The following LRRC7 variants were observed in gnomAD, a reference collection of about 807,000 sequenced individuals.
LRRC7 encodes leucine rich repeat containing 7, also known as leucine-rich repeat-containing protein 7.
LRRC7 carries 23 observed loss-of-function variants against 175.7 expected under a neutral mutation model. The ratio of observed to expected loss-of-function variants is 0.13; its 90% CI spans 0.09 to 0.19. LRRC7 has a LOEUF of 0.19. Ranked by LOEUF, LRRC7 falls within the 10% of genes least tolerant of loss-of-function variation. The pLI is 1.00. For missense variants in LRRC7, 1,354 were observed against 1,904.7 expected (o/e 0.71, Z 5.38); for synonymous variants, 685 against 680.9 (o/e 1.01, Z -0.09).
At chr1:69,832,839 T>C (rs1254038384) in intron 5 of LRRC7, among the ~76,000 whole-genome samples, 1 of 152,178 alleles carries the variant, frequency 6.6e-6, no homozygotes, top group Admixed American at 6.5e-5. Flanking sequence ...GCACGGTGGC[T>C]CATGCCTGTA....
At chr1:70,089,177 C>T (rs1431862829) in intron 24 of LRRC7, among the ~76,000 whole-genome samples, 2 of 152,044 alleles carry the variant, frequency 1.3e-5, no homozygotes, top group African/African-American at 2.4e-5. Context: ...CTTTTTTTTA[C>T]CCTCACACAA....
intron 8 of LRRC7, among the ~76,000 whole-genome samples, chr1:69,945,060 A>C (rs985499074): frequency 2.6e-5 from 4 of 151,962 alleles, no homozygotes; most frequent in African/African-American, 9.7e-5. Flanking sequence ...CTTTTGGGTT[A>C]TATCCAAAGA....
intron 7 of LRRC7, among the ~76,000 whole-genome samples, chr1:69,860,095 C>T (rs1345085693): frequency 6.6e-6 from 1 of 151,916 alleles, no homozygotes; most frequent in Non-Finnish European, 1.5e-5. Context: ...TCAATACTCT[C>T]ATCAGGGTTT....
intron 12 of LRRC7, among the ~76,000 whole-genome samples, chr1:70,012,669 C>T (rs940731465): frequency 4.6e-5 from 7 of 151,138 alleles, no homozygotes; most frequent in Non-Finnish European, 5.9e-5. Flanking sequence ...GTACTCACTT[C>T]GACAGACAAA....
At chr1:69,980,861 C>A (rs1174948123) in intron 9 of LRRC7, among the ~76,000 whole-genome samples, 1 of 152,042 alleles carries the variant, frequency 6.6e-6, no homozygotes, top group African/African-American at 2.4e-5. Flanking sequence ...TAGAGCTCTT[C>A]TACAAAATAA....
intron 1 of LRRC7, among the ~76,000 whole-genome samples, chr1:69,651,684 A>G (rs1287719901): frequency 6.6e-6 from 1 of 152,182 alleles, no homozygotes; most frequent in Non-Finnish European, 1.5e-5. Context: ...TTGCATTAAA[A>G]CAGGTAAGAA....
At chr1:70,076,428 C>A in intron 24 of LRRC7, 130 bp downstream of exon 24, 1 of 728,414 alleles carries the variant, frequency 1.4e-6, no homozygotes. Context: ...GTAGGGCCCT[C>A]TTTGTGGGGA....
Position 70,127,789 on chromosome 1 carries a change from C to T in LRRC7, c.*5902C>T, listed in dbSNP as rs903834019. Among the ~76,000 whole-genome samples the T allele has an allele frequency of 1.8e-4, 28 of 152,182 alleles. No homozygotes were observed. The highest frequency in any genetic ancestry group is 7.7e-4 in the East Asian group (4 of 5,198). On this transcript the variant is annotated 3_prime_UTR_variant, in exon 27 of 27. Transcript: ENST00000651989. ...AAAAGGTGGAAGGTTGTGAAATTCA[C>T]GCAGCATTTATGTAAACATTCCATG...
At chr1:69,944,899 T>C (rs1649141984) in intron 8 of LRRC7, among the ~76,000 whole-genome samples, 1 of 152,118 alleles carries the variant, frequency 6.6e-6, no homozygotes, top group African/African-American at 2.4e-5. Flanking sequence ...TCATATATTT[T>C]AGATATTGAT....
intron 1 of LRRC7, among the ~76,000 whole-genome samples, chr1:69,573,987 C>A (rs1455384548): frequency 6.6e-6 from 1 of 151,998 alleles, no homozygotes; most frequent in Non-Finnish European, 1.5e-5. Context: ...GATATTTTTG[C>A]TGTACACGAA....
intron 23 of LRRC7, among the ~76,000 whole-genome samples, chr1:70,053,753 T>C (rs1660920736): frequency 6.6e-6 from 1 of 152,038 alleles, no homozygotes; most frequent in African/African-American, 2.4e-5. Context: ...TTGCCACATA[T>C]ATGAGAGAAG....
chr1:70,121,726 G>C (rs991791285), intron 26 of LRRC7, 54 bp from the exon 27 acceptor site: 21 of 1,157,024 alleles, frequency 1.8e-5, no homozygotes, highest in Non-Finnish European at 2.5e-5. Context: ...TAGAAACAAC[G>C]ATACAGTGAT....
chr1:69,916,505 C>G (rs1186558204), intron 7 of LRRC7, among the ~76,000 whole-genome samples: 1 of 151,576 alleles, frequency 6.6e-6, no homozygotes, highest in Non-Finnish European at 1.5e-5. Context: ...GCATATTCCA[C>G]AATAAGTAAA....
intron 3 of LRRC7, among the ~76,000 whole-genome samples, chr1:69,788,142 T>C (rs959698687): frequency 6.6e-6 from 1 of 152,176 alleles, no homozygotes; most frequent in East Asian, 1.9e-4. Context: ...TCCCACTCTG[T>C]TCAGAGTCCA....
chr1:69,957,080 A>C (rs2101835307), intron 8 of LRRC7, among the ~76,000 whole-genome samples: 1 of 151,884 alleles, frequency 6.6e-6, no homozygotes, highest in South Asian at 2.1e-4. Context: ...TTTAACATAT[A>C]TTTATTAAAC....
rs139279896 is a variant in LRRC7 at position 70,131,372 on chromosome 1, A to T, written c.*9485A>T. Among the ~76,000 whole-genome samples the T allele has an allele frequency of 1.3e-4, 20 of 152,272 alleles. No individual in the cohort carries two copies. The highest frequency in any genetic ancestry group is 4.3e-4 in the African/African-American group (18 of 41,556). On this transcript the variant is annotated 3_prime_UTR_variant, in exon 27 of 27. Coordinates refer to ENST00000651989, the MANE Select transcript of LRRC7 (RefSeq NM_001370785.2). ...GTAAGCTCCTAACCACAATCCCTTTATTACCTCATGGGACCTTAATTTCCT... is the reference window on the plus strand; with the variant it reads ...GTAAGCTCCTAACCACAATCCCTTTTTTACCTCATGGGACCTTAATTTCCT...
In LRRC7 at chr1:70,089,915, T is replaced by C. The variant is rs1207479460; in HGVS notation, c.4545+96T>C. On this transcript the variant is annotated intron_variant, in intron 25 of 26. Coordinates refer to ENST00000651989, the MANE Select transcript of LRRC7 (RefSeq NM_001370785.2). The stretch of plus-strand genomic sequence containing the variant: ...AAAAAATTCAAGTGTTTTTGTTGTG[T>C]TTTCATGAGCTAGTTAGTAACTCTG... 7 of 880,640 alleles carry C rather than the reference T, an allele frequency of 7.9e-6. No individual in the cohort carries two copies. In the East Asian group the frequency reaches 2.0e-4, roughly 25 times the overall value. 54.6% of individuals were successfully genotyped at this position (880,640 alleles called of 1,614,324 possible).
intron 2 of LRRC7, among the ~76,000 whole-genome samples, chr1:69,704,001 G>T (rs1663708285): frequency 6.6e-6 from 1 of 151,916 alleles, no homozygotes; most frequent in East Asian, 1.9e-4. Context: ...ATACCTTTAA[G>T]ATTTTTGTAA....
intron 7 of LRRC7, among the ~76,000 whole-genome samples, chr1:69,885,558 A>C (rs1339537794): frequency 1.5e-5 from 2 of 133,004 alleles, no homozygotes; most frequent in Non-Finnish European, 3.1e-5. Flanking sequence ...TGATCCTTGC[A>C]AAAAACCAGC....
Sources: allele counts gnomAD v4.1 joint callset (sites outside exome capture counted in the v4.1 genomes callset), GRCh38; gene constraint gnomAD v4.1.1; transcripts MANE v1.5; gene names NCBI Gene and HGNC (gene_info 2026-07-23, HGNC 2026-07-21).